Variants in ABRAXAS1 observed in about 807,000 individuals in gnomAD.
ABRAXAS1 encodes the protein abraxas 1, BRCA1 A complex subunit.
In ABRAXAS1, 26 loss-of-function variants were observed where a neutral mutation model predicts 38.4. The ratio of observed to expected loss-of-function variants is 0.68; its 90% CI spans 0.50 to 0.94. ABRAXAS1 has a LOEUF of 0.94. Among genes scored for constraint, ABRAXAS1 ranks in the 40% least tolerant of loss-of-function variants. The probability of loss-of-function intolerance (pLI) is 0.00; values close to 1 mark genes in which losing one functional copy is unlikely to be tolerated. For missense variants in ABRAXAS1, 438 were observed against 481.9 expected (o/e 0.91, Z 0.85); for synonymous variants, 144 against 165.5 (o/e 0.87, Z 1.00).
chr4:83,468,988 T>A, intron 6 of ABRAXAS1, 44 bp downstream of exon 6: 1 of 1,587,394 alleles, frequency 6.3e-7, no homozygotes, highest in South Asian at 1.1e-5. Flanking sequence ...AAAATTAATT[T>A]CAAAGATGAA....
intron 3 of ABRAXAS1, among the ~76,000 whole-genome samples, chr4:83,474,339 T>C (rs954983691): frequency 2.6e-5 from 4 of 152,080 alleles, no homozygotes; most frequent in African/African-American, 7.2e-5. Context: ...AAGGCTTGTA[T>C]AGAAAATATT....
rs557888744 is a variant in ABRAXAS1, at chr4:83,468,662, T to C, written c.596+370A>G. 2.6e-5 allele frequency among the ~76,000 whole-genome samples: 4 copies of C among 152,308 alleles called. No individual in the cohort carries two copies. In the East Asian group the frequency reaches 7.7e-4, roughly 29 times the overall value. ...TTATTCTAACCTAGAATAGATATGC[T>C]AAACTTTACAGGATATGCAACAAGA... On this transcript the variant is annotated intron_variant, in intron 6 of 8. Coordinates refer to ENST00000321945, the MANE Select transcript of ABRAXAS1 (RefSeq NM_139076.3).
At chr4:83,468,360 C>T (rs1022393126) in intron 6 of ABRAXAS1, among the ~76,000 whole-genome samples, 4 of 147,620 alleles carry the variant, frequency 2.7e-5, no homozygotes, top group African/African-American at 5.0e-5. Flanking sequence ...CAATGAAATA[C>T]GGTATTCAGT....
At chr4:83,478,039 G>A (rs1722847558) in intron 2 of ABRAXAS1, 1 of 994,974 alleles carries the variant, frequency 1.0e-6, no homozygotes, top group Non-Finnish European at 1.6e-6. Context: ...GGGGTCTGTG[G>A]AGGAGTGTGG....
At chr4:83,480,367 A>C (rs1430046597) in intron 2 of ABRAXAS1, 1 of 427,660 alleles carries the variant, frequency 2.3e-6, no homozygotes, top group South Asian at 1.6e-5. Context: ...ATGAGACTCC[A>C]TCTCAAAACA....
Position 83,462,852 on chromosome 4 carries a change from C to T in ABRAXAS1, c.847G>A (p.Ala283Thr), listed in dbSNP as rs2110033323. The part of the protein sequence containing the change: ...DPQENIFLCQ[A>T]LRTFFPNSEF... Reference sequence around the variant, plus strand: ...GAATTTGGAAAAAAGGTCCGTAATGCCTGACAAAGAAAAATGTTCTCCTGA... The same window carrying T: ...GAATTTGGAAAAAAGGTCCGTAATGTCTGACAAAGAAAAATGTTCTCCTGA... The change falls in exon 9 of 9, where the codon GCA becomes ACA. Residue 283 changes from alanine to threonine, a missense_variant. Coordinates refer to ENST00000321945, the MANE Select transcript of ABRAXAS1 (RefSeq NM_139076.3). 3.1e-6 allele frequency: 5 copies of T among 1,604,028 alleles called. No individual in the cohort carries two copies. The highest frequency in any genetic ancestry group is 4.2e-6 in the Non-Finnish European group (5 of 1,176,474).
At chr4:83,476,961 G>T (rs1272594487) in intron 2 of ABRAXAS1, among the ~76,000 whole-genome samples, 1 of 152,134 alleles carries the variant, frequency 6.6e-6, no homozygotes. Context: ...TCTAAATAAC[G>T]GTCTAATAAG....
At chr4:83,474,180 T>TAAATA (rs1457672501) in intron 3 of ABRAXAS1, among the ~76,000 whole-genome samples, 3 of 148,880 alleles carry the variant, frequency 2.0e-5, no homozygotes, top group Non-Finnish European at 4.4e-5. Flanking sequence ...AATAAATAAA[T>TAAATA]AAAATCTCTA....
At chr4:83,483,962 G>A in intron 1 of ABRAXAS1, 2 of 920,124 alleles carry the variant, frequency 2.2e-6, no homozygotes, top group Non-Finnish European at 2.6e-6. Flanking sequence ...ACTTTGTAAG[G>A]TTATCTGAAA....
intron 2 of ABRAXAS1, chr4:83,480,292 A>G: frequency 2.8e-6 from 1 of 362,640 alleles, no homozygotes; most frequent in Non-Finnish European, 5.5e-6. Context: ...GAATCGCTTG[A>G]CCTCGAGAGG....
intron 1 of ABRAXAS1, chr4:83,484,759 G>C: frequency 2.4e-6 from 1 of 409,684 alleles, no homozygotes; most frequent in East Asian, 3.7e-5. Context: ...GGTCGGAAAA[G>C]GGAAATAACG....
Position 83,470,426 on chromosome 4 carries a change from C to T in ABRAXAS1, c.283-30G>A, listed in dbSNP as rs199992927. 9.8e-4 allele frequency: 1,469 copies of T among 1,492,824 alleles called. 1 individual carries two copies. The highest frequency in any genetic ancestry group is 1.1e-3 in the Non-Finnish European group (1,140 of 1,085,596). The allele number at this position is 1,492,824 out of a possible 1,614,324, so 92.5% of individuals were successfully genotyped here. A position where few individuals can be genotyped will look rare whatever the true frequency, so the allele number is the denominator to read the frequency against. On this transcript the variant is annotated intron_variant, in intron 4 of 8. Transcript: ENST00000321945. ...AATACAGAATAAAAAGGATATACAT[C>T]TTAATAGTTACAATGATATGTCTTA... is the stretch of plus-strand genomic sequence containing the variant.
chr4:83,478,421 C>A (rs112324302), intron 2 of ABRAXAS1: 11 of 509,244 alleles, frequency 2.2e-5, no homozygotes, highest in African/African-American at 1.6e-4. Context: ...GGCTTTAAAT[C>A]TAAGGACTGA....
At chr4:83,478,334 T>C (rs1722861196) in intron 2 of ABRAXAS1, 1 of 609,750 alleles carries the variant, frequency 1.6e-6, no homozygotes, top group Non-Finnish European at 3.2e-6. Flanking sequence ...TTTTGTATTC[T>C]AAAGGATTTT....
intron 4 of ABRAXAS1, among the ~76,000 whole-genome samples, chr4:83,470,987 A>G (rs1209955794): frequency 6.6e-6 from 1 of 151,270 alleles, no homozygotes; most frequent in African/African-American, 2.5e-5. Flanking sequence ...CCTTTACTTA[A>G]GACAAAGAGA....
At chr4:83,473,854 C>T (rs1056663288) in intron 3 of ABRAXAS1, among the ~76,000 whole-genome samples, 1 of 151,178 alleles carries the variant, frequency 6.6e-6, no homozygotes, top group Non-Finnish European at 1.5e-5. Flanking sequence ...TTTCAGAAGC[C>T]GGGCACAGTG....
intron 7 of ABRAXAS1, among the ~76,000 whole-genome samples, chr4:83,466,640 A>G (rs1326017227): frequency 6.6e-6 from 1 of 150,926 alleles, no homozygotes; most frequent in Non-Finnish European, 1.5e-5. Flanking sequence ...GGTTCACGCC[A>G]TTCTCCTGCC....
intron 7 of ABRAXAS1, 81 bp downstream of exon 7, chr4:83,467,373 G>A: frequency 1.2e-6 from 1 of 816,672 alleles, no homozygotes; most frequent in Non-Finnish European, 2.1e-6. Context: ...CAAGATGTCA[G>A]GTTATCCTAA....
intron 2 of ABRAXAS1, chr4:83,480,402 A>G (rs1013858007): frequency 4.3e-5 from 17 of 397,894 alleles, no homozygotes; most frequent in Admixed American, 3.2e-4. Flanking sequence ...ATATACACAT[A>G]TATATACACA....
Sources: allele counts gnomAD v4.1 joint callset (sites outside exome capture counted in the v4.1 genomes callset), GRCh38; gene constraint gnomAD v4.1.1; transcripts MANE v1.5; gene names NCBI Gene and HGNC (gene_info 2026-07-23, HGNC 2026-07-21).